SPIDR: variants seen among roughly 807,000 people sequenced by gnomAD.
SPIDR encodes scaffold protein involved in DNA repair.
Under a neutral mutation model 104.6 loss-of-function variants are expected in SPIDR, and 93 were observed. The observed-to-expected ratio is 0.89, with a 90% CI of 0.75 to 1.06. The LOEUF is 1.06. Among genes scored for constraint, SPIDR ranks in the 50% least tolerant of loss-of-function variants. The pLI is 0.00. For synonymous variants in SPIDR, 431 were observed against 416.9 expected (o/e 1.03, Z -0.41); for missense variants, 1,154 against 1,111.2 (o/e 1.04, Z -0.55).
chr8:47,329,074 T>C (rs542526173), intron 5 of SPIDR, among the ~76,000 whole-genome samples: 1 of 112,858 alleles, frequency 8.9e-6, no homozygotes, highest in African/African-American at 4.3e-5. Flanking sequence ...GCCTAGCTAA[T>C]TTTTTTTTTT....
chr8:47,514,189 A>G (rs1034912381), intron 8 of SPIDR, among the ~76,000 whole-genome samples: 5 of 152,188 alleles, frequency 3.3e-5, no homozygotes, highest in Non-Finnish European at 5.9e-5. Context: ...TATATTTTAC[A>G]TTCGTTAAAT....
intron 1 of SPIDR, 128 bp downstream of exon 1, chr8:47,261,119 G>A: frequency 1.9e-6 from 2 of 1,079,222 alleles, no homozygotes; most frequent in Non-Finnish European, 1.2e-6. Flanking sequence ...AGGGCTAGGT[G>A]GTGGCGGGTC....
In SPIDR at chr8:47,485,377, C is replaced by A. The variant is rs187770665; in HGVS notation, c.1097+44835C>A. ...CAGGAAGCTCGAACTGGGTGGAGCC[C>A]ACGACAGCTCAAGGAGGCTTGCCTG... On this transcript the variant is annotated intron_variant, in intron 8 of 19. Coordinates refer to ENST00000297423, the MANE Select transcript of SPIDR (RefSeq NM_001080394.4). 1.9e-4 allele frequency among the ~76,000 whole-genome samples: 29 copies of A among 152,348 alleles called. No homozygotes were observed. The East Asian group carries it at 5.6e-3, about 29-fold the overall frequency.
intron 14 of SPIDR, among the ~76,000 whole-genome samples, chr8:47,711,803 C>T (rs1380810511): frequency 6.6e-6 from 1 of 152,138 alleles, no homozygotes; most frequent in Non-Finnish European, 1.5e-5. Flanking sequence ...AGAAGCTTGG[C>T]TTCATTTTCC....
At chr8:47,287,673 C>T (rs1293488738) in intron 3 of SPIDR, among the ~76,000 whole-genome samples, 2 of 152,196 alleles carry the variant, frequency 1.3e-5, no homozygotes, top group Admixed American at 1.3e-4. Context: ...AAAAATATGG[C>T]TGTATTCTGC....
At chr8:47,489,133 T>C (rs1477471983) in intron 8 of SPIDR, among the ~76,000 whole-genome samples, 7 of 152,216 alleles carry the variant, frequency 4.6e-5, no homozygotes, top group African/African-American at 1.7e-4. Context: ...CTCCTTAAGC[T>C]GATAAGCAAC....
At position 47,681,375 on chromosome 8, in the gene SPIDR, AT is replaced by A. The variant is rs879331512; in HGVS notation, c.1685+7444del. ...ATGCATTCTAAGCATCCGGATTGCGATTTTTTTTTTAACATAGAGCATTTTA... is the reference window on the plus strand; with the variant it reads ...ATGCATTCTAAGCATCCGGATTGCGATTTTTTTTTAACATAGAGCATTTTA... On this transcript the variant is annotated intron_variant, in intron 11 of 19. Coordinates refer to ENST00000297423, the MANE Select transcript of SPIDR (RefSeq NM_001080394.4). Among the ~76,000 whole-genome samples the A allele has an allele frequency of 2.1e-4, 31 of 150,010 alleles. 1 individual carries two copies. The East Asian group carries it at 3.3e-3, about 16-fold the overall frequency.
chr8:47,366,650 G>A (rs561220741), intron 5 of SPIDR, among the ~76,000 whole-genome samples: 19 of 151,408 alleles, frequency 1.3e-4, no homozygotes, highest in African/African-American at 4.6e-4. Context: ...GCAGGCTGGC[G>A]CCTGGTGGTA....
chr8:47,496,897 A>G (rs2079550137), intron 8 of SPIDR, among the ~76,000 whole-genome samples: 1 of 152,026 alleles, frequency 6.6e-6, no homozygotes, highest in Non-Finnish European at 1.5e-5. Context: ...AGATTTATTC[A>G]GATTTTTAAT....
chr8:47,381,404 G>T (rs2059309763), intron 5 of SPIDR, among the ~76,000 whole-genome samples: 1 of 152,138 alleles, frequency 6.6e-6, no homozygotes, highest in South Asian at 2.1e-4. Context: ...TAGCATTTTT[G>T]TTGTTGCTCT....
At chr8:47,503,786 CCA>C (rs2080979954) in intron 8 of SPIDR, among the ~76,000 whole-genome samples, 1 of 152,128 alleles carries the variant, frequency 6.6e-6, no homozygotes, top group Non-Finnish European at 1.5e-5. Context: ...TTGTTCCTTT[CCA>C]TGTTTAGTGC....
intron 5 of SPIDR, among the ~76,000 whole-genome samples, chr8:47,336,045 A>G (rs1738141027): frequency 6.6e-6 from 1 of 151,632 alleles, no homozygotes; most frequent in South Asian, 2.1e-4. Flanking sequence ...AATATTTCTA[A>G]TGTCCCTTTT....
intron 8 of SPIDR, among the ~76,000 whole-genome samples, chr8:47,456,115 T>G (rs1396376220): frequency 1.3e-5 from 2 of 152,344 alleles, no homozygotes; most frequent in Middle Eastern, 3.4e-3. Flanking sequence ...TGTTATGAAT[T>G]GAATTTTGTT....
intron 19 of SPIDR, chr8:47,729,717 G>GTTTGTT (rs1282796486): frequency 7.9e-6 from 4 of 507,106 alleles, no homozygotes; most frequent in East Asian, 6.6e-5. Flanking sequence ...TGGCTTTTTT[G>GTTTGTT]TTTGTTTTTG....
chr8:47,651,236 A>C (rs999298337), intron 10 of SPIDR, among the ~76,000 whole-genome samples: 2 of 152,188 alleles, frequency 1.3e-5, no homozygotes, highest in African/African-American at 2.4e-5. Context: ...AACTCAAGCA[A>C]ATCAGCAAGG....
chr8:47,340,558 C>T (rs926304810), intron 5 of SPIDR, among the ~76,000 whole-genome samples: 2 of 152,104 alleles, frequency 1.3e-5, no homozygotes, highest in Non-Finnish European at 1.5e-5. Flanking sequence ...GCCGACATTG[C>T]GCCACTGCAC....
chr8:47,321,058 G>A lies in SPIDR; in HGVS notation c.525+27028G>A, dbSNP rs552996382. On this transcript the variant is annotated intron_variant, in intron 5 of 19. Transcript: ENST00000297423. The stretch of plus-strand genomic sequence containing the variant: ...CAAGACAGGGATGCCCTCTCTCACC[G>A]CTCCTATTCAACATGGTGTTGGAAG... Among the ~76,000 whole-genome samples the A allele has an allele frequency of 7.5e-3, 1,146 of 152,220 alleles. 4 individuals are homozygous for A. The highest frequency in any genetic ancestry group is 0.012 in the Non-Finnish European group (845 of 68,008).
chr8:47,562,404 T>C (rs185943528), intron 8 of SPIDR, among the ~76,000 whole-genome samples: 1 of 152,304 alleles, frequency 6.6e-6, no homozygotes, highest in Non-Finnish European at 1.5e-5. Context: ...ATGAGAACAA[T>C]GGACATGCTC....
intron 8 of SPIDR, among the ~76,000 whole-genome samples, chr8:47,467,757 A>G (rs2075117976): frequency 6.6e-6 from 1 of 152,364 alleles, no homozygotes; most frequent in South Asian, 2.1e-4. Context: ...ATCATACTGA[A>G]TGGACAAAAA....
Sources: gnomAD v4.1 joint callset for allele counts (sites outside exome capture counted in the v4.1 genomes callset) on GRCh38, gnomAD v4.1.1 for gene constraint, MANE v1.5 for transcripts, NCBI Gene and HGNC (gene_info 2026-07-23, HGNC 2026-07-21) for gene names.